Variants in FMOD observed in about 807,000 individuals in gnomAD.
The protein encoded by FMOD is KSPG fibromodulin.
FMOD carries 15 observed loss-of-function variants against 27.0 expected under a neutral mutation model. That is an observed-to-expected ratio of 0.55 (90% CI 0.37 to 0.85). The LOEUF (loss-of-function observed/expected upper bound fraction) is 0.85, where lower values mean the gene tolerates loss of function less well. Among genes scored for constraint, FMOD ranks in the 40% least tolerant of loss-of-function variants. The pLI, the probability that FMOD is intolerant of heterozygous loss-of-function variation, is 0.00. For missense variants in FMOD, 460 were observed against 483.2 expected, an observed-to-expected ratio of 0.95 and a Z score of 0.45; for synonymous variants, 210 against 214.0, an observed-to-expected ratio of 0.98 and a Z score of 0.16.
At chr1:203,345,163 C>A (rs1658865887) in intron 2 of FMOD, among the ~76,000 whole-genome samples, 1 of 152,140 alleles carries the variant, frequency 6.6e-6, no homozygotes, top group Non-Finnish European at 1.5e-5. Flanking sequence ...GGGGCTTGGA[C>A]TTAAATTGCA....
In FMOD at chr1:203,342,398, G is replaced by A; in HGVS notation, c.1076C>T (p.Ala359Val). The A allele has an allele frequency of 6.2e-7, 1 of 1,614,064 alleles. No homozygotes were observed. Among genetic ancestry groups the A allele is most frequent in the Non-Finnish European group, 8.5e-7 (1 of 1,179,988 alleles). The change falls in exon 3 of 3, where the codon GCC (alanine) becomes GTC (valine). Residue 359 changes from alanine (A) to valine (V), a missense_variant. Coordinates refer to ENST00000354955, the MANE Select transcript of FMOD (RefSeq NM_002023.5). ...GCAGAGGGGCGCGTCGGCAGGCATG[G>A]CGCTGCGCTTGATCTCGTTCCCGTC... ...RLDGNEIKRS[A>V]MPADAPLCLR...
chr1:203,347,884 T>G lies in FMOD; in HGVS notation c.387A>C (p.Thr129=). The G allele has an allele frequency of 6.2e-7, 1 of 1,614,034 alleles. No individual in the cohort carries two copies. The highest frequency in any genetic ancestry group is 8.5e-7 in the Non-Finnish European group (1 of 1,179,902). The change falls in exon 2 of 3, where the codon ACA becomes ACC. Residue 129 remains threonine, a synonymous_variant. Transcript: ENST00000354955. ...CGTGGAGAGCAATCCAGAGCAGCCC[T>G]GTGGCATTGTCAAAGACGCCTTCCT... The part of the protein sequence containing the change: ...SIQEGVFDNA[T]GLLWIALHGN...
rs367649884 is a variant in FMOD at position 203,348,479 on chromosome 1, A to G, written c.-7-202T>C. 3.2e-4 allele frequency among the ~76,000 whole-genome samples: 48 copies of G among 152,230 alleles called. No homozygotes were observed. The South Asian group carries it at 5.8e-3, about 18-fold the overall frequency. ...CACTTGGTCCAGCCGGACCATGGCTATTTGGGGTGAGCTAAGTGCATTTTC... is the reference window on the plus strand; with the variant it reads ...CACTTGGTCCAGCCGGACCATGGCTGTTTGGGGTGAGCTAAGTGCATTTTC... On this transcript the variant is annotated intron_variant, in intron 1 of 2. Coordinates refer to ENST00000354955, the MANE Select transcript of FMOD (RefSeq NM_002023.5).
Position 203,342,546 on chromosome 1 carries a change from C to T in FMOD, c.980-52G>A, listed in dbSNP as rs528618873. ...AGGGAGAGAAGCCCAGATTACGAAC[C>T]TGAAGCCACAGTGAGATTAGCCTTT... On this transcript the variant is annotated intron_variant, in intron 2 of 2. Transcript: ENST00000354955. 1.3e-5 allele frequency: 20 copies of T among 1,573,092 alleles called. No homozygotes were observed. The African/African-American group carries it at 1.9e-4, about 15-fold the overall frequency.
rs940336133 is a variant in FMOD at position 203,348,289 on chromosome 1, G to T, written c.-7-12C>A. On this transcript the variant is annotated splice_polypyrimidine_tract_variant and intron_variant, in intron 1 of 2. Transcript: ENST00000354955. ...ACTGCATTTTGTCTCTGCAAGAAGC[G>T]GGAGAGAACAGAGCAAGCCAGCATG... 3 of 1,605,658 alleles carry T rather than the reference G, an allele frequency of 1.9e-6. No individual in the cohort carries two copies. Among genetic ancestry groups the T allele is most frequent in the East Asian group, 2.2e-5 (1 of 44,888 alleles).
At chr1:203,350,815 A>G (rs1658985175) in intron 1 of FMOD, among the ~76,000 whole-genome samples, 1 of 152,088 alleles carries the variant, frequency 6.6e-6, no homozygotes, top group African/African-American at 2.4e-5. Context: ...TCCCCTCAGC[A>G]CCCATAAAGG....
In FMOD at chr1:203,347,685, G is replaced by A. The variant is rs1227346456; in HGVS notation, c.586C>T (p.Leu196=). 1.2e-6 allele frequency: 2 copies of A among 1,614,050 alleles called. No individual in the cohort carries two copies. The highest frequency in any genetic ancestry group is 3.3e-5 in the Admixed American group (2 of 60,006). The change falls in exon 2 of 3, where the codon CTG becomes TTG. Residue 196 remains leucine, a synonymous_variant. Transcript: ENST00000354955. The stretch of plus-strand genomic sequence containing the variant: ...GCCGTGAGGTTCTCCAGCCCCTCCA[G>A]AGCATTGTTGGGGACCCGTGAGATC... ...NQISRVPNNA[L]EGLENLTALY... is the part of the protein sequence containing the mutation.
rs753479011 is a variant in FMOD, at chr1:203,350,292, G to A, written c.-8+741C>T. Among the ~76,000 whole-genome samples, 65 of 152,316 alleles carry A rather than the reference G, an allele frequency of 4.3e-4. 1 individual carries two copies. Among genetic ancestry groups the A allele is most frequent in the Non-Finnish European group, 4.6e-4 (31 of 68,010 alleles). ...AGCAATGTTGCTTCAGGGTTGCATA[G>A]TCTTACACTGTTTCCCATAATGCTA... is the stretch of plus-strand genomic sequence containing the variant. On this transcript the variant is annotated intron_variant, in intron 1 of 2. Coordinates refer to ENST00000354955, the MANE Select transcript of FMOD (RefSeq NM_002023.5).
rs367961930 is a variant in FMOD, at chr1:203,347,382, C to T, written c.889G>A (p.Glu297Lys). The T allele has an allele frequency of 5.0e-6, 8 of 1,614,090 alleles. No homozygotes were observed. Among genetic ancestry groups the T allele is most frequent in the Non-Finnish European group, 6.8e-6 (8 of 1,180,018 alleles). ...SNTFNSSSLLELDLSYNQLQK... is the reference protein window; with the variant it reads ...SNTFNSSSLLKLDLSYNQLQK... ...AGCTGGTTGTAGGAGAGGTCTAGCT[C>T]AAGGAGGCTGCTGGAATTGAAGGTG... The change falls in exon 2 of 3, where the codon GAG becomes AAG. Residue 297 changes from glutamate (E) to lysine (K), a missense_variant. By Grantham distance (56) the Glu-to-Lys change is moderately conservative (BLOSUM62 1). Coordinates refer to ENST00000354955, the MANE Select transcript of FMOD (RefSeq NM_002023.5).
rs1658789775 is a variant in FMOD, at chr1:203,341,224, AAACC to A, written c.*1115_*1118del. ...TACTTTTTAACTATGGCCTTAGGAC[AAACC>A]AGGTGAAACAGATTAACCACATCCT... On this transcript the variant is annotated 3_prime_UTR_variant, in exon 3 of 3. Coordinates refer to ENST00000354955, the MANE Select transcript of FMOD (RefSeq NM_002023.5). 6.6e-6 allele frequency: 1 copy of A among 152,242 alleles called. No individual in the cohort carries two copies. Among genetic ancestry groups the A allele is most frequent in the African/African-American group, 2.4e-5 (1 of 41,454 alleles). The allele number at this position is 152,242 out of a possible 1,614,324, so 9.4% of individuals were successfully genotyped here. A position where few individuals can be genotyped will look rare whatever the true frequency, so the allele number is the denominator to read the frequency against.
chr1:203,351,063 G>A lies in FMOD; in HGVS notation c.-38C>T, dbSNP rs1391214191. On this transcript the variant is annotated 5_prime_UTR_variant, in exon 1 of 3. It adds an upstream start codon to the 5' untranslated region. Coordinates refer to ENST00000354955, the MANE Select transcript of FMOD (RefSeq NM_002023.5). ...GTTGAACTTTTCAGAGAGTGACCAC[G>A]TCCCTCTGTCTGGCCTCCTTGGGTT... The A allele has an allele frequency of 1.3e-5, 2 of 152,372 alleles. No individual in the cohort carries two copies. Among genetic ancestry groups the A allele is most frequent in the East Asian group, 1.9e-4 (1 of 5,192 alleles). 9.4% of individuals were successfully genotyped at this position (152,372 alleles called of 1,614,324 possible). A position where few individuals can be genotyped will look rare whatever the true frequency, so the allele number is the denominator to read the frequency against.
At chr1:203,350,903 A>C (rs1410088722) in intron 1 of FMOD, 130 bp downstream of exon 1, 2 of 152,368 alleles carry the variant, frequency 1.3e-5, no homozygotes, top group Non-Finnish European at 2.9e-5. Flanking sequence ...CCCTGGGGTC[A>C]TGGCCCAGAT....
Position 203,347,903 on chromosome 1 carries a change from C to T in FMOD, c.368G>A (p.Gly123Asp). The T allele has an allele frequency of 1.2e-6, 2 of 1,613,430 alleles. No individual in the cohort carries two copies. The highest frequency in any genetic ancestry group is 1.1e-5 in the South Asian group (1 of 91,064). ...CAGCCCTGTGGCATTGTCAAAGACG[C>T]CTTCCTGGATGGAGGTGATCTGGTT... is the stretch of plus-strand genomic sequence containing the variant. ...QNNQITSIQE[G>D]VFDNATGLLW... The change falls in exon 2 of 3, where the codon GGC (glycine) becomes GAC (aspartate). Residue 123 changes from glycine to aspartate, a missense_variant. Physicochemically the swap from Gly to Asp is moderately conservative, Grantham distance 94. Coordinates refer to ENST00000354955, the MANE Select transcript of FMOD (RefSeq NM_002023.5).
chr1:203,345,589 G>A (rs1658872703), intron 2 of FMOD, among the ~76,000 whole-genome samples: 1 of 152,196 alleles, frequency 6.6e-6, no homozygotes, highest in Non-Finnish European at 1.5e-5. Flanking sequence ...TCAAACGTCT[G>A]CAGCTTGCAA....
rs200392600 is a variant in FMOD at position 203,348,000 on chromosome 1, A to G, written c.271T>C (p.Tyr91His). 111 of 1,608,106 alleles carry G rather than the reference A, an allele frequency of 6.9e-5. No individual in the cohort carries two copies. Among genetic ancestry groups the G allele is most frequent in the Non-Finnish European group, 9.1e-5 (107 of 1,176,572 alleles). The stretch of plus-strand genomic sequence containing the variant: ...TACTTGAGGTTGCGATTGTCACAGT[A>G]CATGGCCGTGGGGAAGTTGGGTGGG... ...DCPPNFPTAM[Y>H]CDNRNLKYLP... Residue 91 changes from tyrosine (Y) to histidine (H), a missense_variant, in exon 2 of 3, where the codon TAC (tyrosine) becomes CAC (histidine). Physicochemically the swap from Tyr to His is moderately conservative, Grantham distance 83 (BLOSUM62 2). Transcript: ENST00000354955.
chr1:203,350,593 A>G (rs6672961), intron 1 of FMOD, among the ~76,000 whole-genome samples: 87,098 of 151,628 alleles, frequency 0.57, 27,778 homozygotes, highest in Non-Finnish European at 0.72. Flanking sequence ...ACACACACAC[A>G]CACACACACA....
chr1:203,348,858 C>T (rs1658944156), intron 1 of FMOD, among the ~76,000 whole-genome samples: 1 of 152,306 alleles, frequency 6.6e-6, no homozygotes, highest in East Asian at 1.9e-4. Context: ...AGTTTTTGGT[C>T]TTGAGTGTTT....
At chr1:203,345,471 G>A (rs1158287892) in intron 2 of FMOD, among the ~76,000 whole-genome samples, 1 of 152,202 alleles carries the variant, frequency 6.6e-6, no homozygotes, top group Non-Finnish European at 1.5e-5. Context: ...CTTGGATGAA[G>A]CACAGCATAC....
rs769274620 is a variant in FMOD at position 203,347,843 on chromosome 1, C to T, written c.428G>A (p.Ser143Asn). The T allele has an allele frequency of 6.2e-7, 1 of 1,614,042 alleles. No homozygotes were observed. Among genetic ancestry groups the T allele is most frequent in the Non-Finnish European group, 8.5e-7 (1 of 1,180,048 alleles). ...GAAGACCTTCCTGCCCACCTTATCA[C>T]TGGTGATCTGGTTGCCGTGGAGAGC... The part of the protein sequence containing the change: ...WIALHGNQIT[S>N]DKVGRKVFSK... The change falls in exon 2 of 3, where the codon AGT becomes AAT. Residue 143 changes from serine (S) to asparagine (N), a missense_variant. Coordinates refer to ENST00000354955, the MANE Select transcript of FMOD (RefSeq NM_002023.5).
Sources: allele counts gnomAD v4.1 joint callset (sites outside exome capture counted in the v4.1 genomes callset), GRCh38; gene constraint gnomAD v4.1.1; transcripts MANE v1.5; gene names NCBI Gene and HGNC (gene_info 2026-07-23, HGNC 2026-07-21).